The following THSD7A variants were observed in gnomAD, a reference collection of about 807,000 sequenced individuals.
THSD7A encodes the protein thrombospondin type 1 domain containing 7A.
A neutral mutation model predicts 231.3 loss-of-function variants in THSD7A; 96 were observed. The observed-to-expected ratio is 0.41, with a 90% CI of 0.35 to 0.49. The LOEUF (loss-of-function observed/expected upper bound fraction) is 0.49, where lower values mean the gene tolerates loss of function less well. THSD7A is among the 20% of genes least tolerant of loss of function. The pLI, the probability that THSD7A is intolerant of heterozygous loss-of-function variation, is 0.05. For missense variants in THSD7A, 2,290 were observed against 2,070.2 expected (o/e 1.11, Z -2.06); for synonymous variants, 940 against 743.3 (o/e 1.26, Z -4.30).
rs1781912590 is a variant in THSD7A, at chr7:11,637,483, T to C, written c.191-522A>G. On this transcript the variant is annotated intron_variant, in intron 1 of 27. Coordinates refer to ENST00000423059, the MANE Select transcript of THSD7A (RefSeq NM_015204.3). This position sits in a 1 kb window ranked among gnomAD's most constrained non-coding sequence, Gnocchi z 4.2. The stretch of plus-strand genomic sequence containing the variant: ...TGACTGCAAGGGTCTAATAGTTGTA[T>C]ATCATGTGTGCCACTAGAGCTTAAA... Among the ~76,000 whole-genome samples, 1 of 152,224 alleles carries C rather than the reference T, an allele frequency of 6.6e-6. No homozygotes were observed. Among genetic ancestry groups the C allele is most frequent in the Admixed American group, 6.5e-5 (1 of 15,286 alleles).
intron 4 of THSD7A, among the ~76,000 whole-genome samples, chr7:11,556,070 C>A (rs1243476636): frequency 6.6e-6 from 1 of 151,618 alleles, no homozygotes; most frequent in East Asian, 1.9e-4. Flanking sequence ...AGACTATTTA[C>A]ATTTAATGTA....
At chr7:11,582,927 GTT>G (rs34447398) in intron 4 of THSD7A, among the ~76,000 whole-genome samples, 6 of 150,564 alleles carry the variant, frequency 4.0e-5, no homozygotes, top group African/African-American at 1.5e-4. Context: ...GTATATCTGT[GTT>G]TTTTTTTACC....
intron 1 of THSD7A, among the ~76,000 whole-genome samples, chr7:11,645,198 C>A (rs967708833): frequency 2.6e-5 from 4 of 151,824 alleles, no homozygotes; most frequent in African/African-American, 4.8e-5. Context: ...TGACTTTTAA[C>A]ATAATAATTT....
chr7:11,804,379 CAT>C (rs1367689094), intron 1 of THSD7A, among the ~76,000 whole-genome samples: 3 of 152,130 alleles, frequency 2.0e-5, no homozygotes, highest in East Asian at 1.9e-4. Flanking sequence ...CCAGAAAACA[CAT>C]GATTTGCATT....
intron 4 of THSD7A, among the ~76,000 whole-genome samples, chr7:11,564,507 T>C (rs1044798217): frequency 6.6e-6 from 1 of 152,160 alleles, no homozygotes; most frequent in African/African-American, 2.4e-5. Context: ...CAGGGTCCCT[T>C]CCTAATTCTC....
intron 9 of THSD7A, among the ~76,000 whole-genome samples, chr7:11,468,405 A>G (rs987063113): frequency 6.6e-6 from 1 of 151,952 alleles, no homozygotes; most frequent in African/African-American, 2.4e-5. Flanking sequence ...AAAAAAAGGA[A>G]TAAGAGAGGA....
intron 13 of THSD7A, among the ~76,000 whole-genome samples, chr7:11,432,056 T>G (rs1005859565): frequency 7.2e-5 from 11 of 152,256 alleles, no homozygotes; most frequent in South Asian, 2.1e-4. Context: ...TTGAAAGTGT[T>G]AAAATACTAA....
chr7:11,490,948 G>A (rs1786866198), intron 6 of THSD7A, among the ~76,000 whole-genome samples: 1 of 152,052 alleles, frequency 6.6e-6, no homozygotes, highest in Admixed American at 6.6e-5. Flanking sequence ...AGCAGCATGA[G>A]GCTATTTTCA....
chr7:11,822,899 G>A (rs1784915808), intron 1 of THSD7A, among the ~76,000 whole-genome samples: 1 of 151,942 alleles, frequency 6.6e-6, no homozygotes, highest in Non-Finnish European at 1.5e-5. Flanking sequence ...CCATTCTGCA[G>A]GTTGTCTGTT....
At chr7:11,573,800 C>T (rs541837846) in intron 4 of THSD7A, among the ~76,000 whole-genome samples, 79 of 152,190 alleles carry the variant, frequency 5.2e-4, no homozygotes, top group African/African-American at 1.7e-3. Context: ...TATTTATTGA[C>T]GCTTGGGTTT....
chr7:11,399,219 A>G (rs1554300325), intron 23 of THSD7A, among the ~76,000 whole-genome samples: 1 of 152,224 alleles, frequency 6.6e-6, no homozygotes, highest in Non-Finnish European at 1.5e-5. Context: ...AGGTTTGAAA[A>G]TAGTTATATA....
Position 11,481,811 on chromosome 7 carries a change from A to G in THSD7A, c.1994T>C (p.Ile665Thr). The G allele has an allele frequency of 1.9e-6, 3 of 1,613,258 alleles. No individual in the cohort carries two copies. The highest frequency in any genetic ancestry group is 8.5e-7 in the Non-Finnish European group (1 of 1,179,450). The change falls in exon 7 of 28, where the codon ATT becomes ACT. Residue 665 changes from isoleucine (I) to threonine (T), a missense_variant. Ile to Thr is a moderately conservative substitution (Grantham distance 89). Coordinates refer to ENST00000423059, the MANE Select transcript of THSD7A (RefSeq NM_015204.3). The stretch of plus-strand genomic sequence containing the variant: ...ACCTTCTTCACCCGCATAGGCCAGA[A>G]TGGATCGTGCTCGTATCTGTTTCCC... ...TEGKQIRARS[I>T]LAYAGEEGGI...
At chr7:11,715,795 T>A (rs1781116316) in intron 1 of THSD7A, among the ~76,000 whole-genome samples, 1 of 151,482 alleles carries the variant, frequency 6.6e-6, no homozygotes, top group South Asian at 2.1e-4. Context: ...TTAATCCTCA[T>A]CCCTGAACTT....
chr7:11,558,733 A>T (rs1789952561), intron 4 of THSD7A, among the ~76,000 whole-genome samples: 1 of 152,198 alleles, frequency 6.6e-6, no homozygotes, highest in Non-Finnish European at 1.5e-5. Flanking sequence ...AAAATTAAGC[A>T]TTGATTGTAA....
chr7:11,418,166 A>T (rs1784024059), intron 16 of THSD7A, among the ~76,000 whole-genome samples: 2 of 152,214 alleles, frequency 1.3e-5, no homozygotes, highest in African/African-American at 4.8e-5. Flanking sequence ...TGTCATTTTA[A>T]AAGTAATTTT....
chr7:11,495,260 A>C (rs570173034), intron 6 of THSD7A, among the ~76,000 whole-genome samples: 1 of 152,252 alleles, frequency 6.6e-6, no homozygotes, highest in African/African-American at 2.4e-5. Flanking sequence ...TCCTGTATGT[A>C]TGTGCTGTTT....
At chr7:11,550,285 T>C (rs907491132) in intron 4 of THSD7A, among the ~76,000 whole-genome samples, 4 of 146,142 alleles carry the variant, frequency 2.7e-5, no homozygotes, top group Non-Finnish European at 4.6e-5. Flanking sequence ...AACCAGGGAG[T>C]GAAAGATCTC....
At chr7:11,542,890 G>T in intron 5 of THSD7A, 72 bp downstream of exon 5, 1 of 1,484,026 alleles carries the variant, frequency 6.7e-7, no homozygotes, top group Non-Finnish European at 9.1e-7. Context: ...ACACAGAAGA[G>T]CATTTTAAAA....
In THSD7A at chr7:11,684,785, A is replaced by C. The variant is rs534269977; in HGVS notation, c.191-47824T>G. ...GATTGGAAGAATCAATATTGTTAAA[A>C]TATCTATACTGTTCAAAGCAATCTA... On this transcript the variant is annotated intron_variant, in intron 1 of 27. Coordinates refer to ENST00000423059, the MANE Select transcript of THSD7A (RefSeq NM_015204.3). Among the ~76,000 whole-genome samples, 212 of 152,174 alleles carry C rather than the reference A, an allele frequency of 1.4e-3. 2 individuals are homozygous for C. The highest frequency in any genetic ancestry group is 4.7e-3 in the African/African-American group (197 of 41,556).
Sources: gnomAD v4.1 joint callset for allele counts (sites outside exome capture counted in the v4.1 genomes callset) on GRCh38, gnomAD v4.1.1 for gene constraint, Gnocchi (gnomAD v3.1) non-coding constraint, MANE v1.5 for transcripts, NCBI Gene and HGNC (gene_info 2026-07-23, HGNC 2026-07-21) for gene names.